Variants in OTOF observed in about 807,000 individuals in gnomAD.
OTOF encodes fer-1-like family member 2.
A neutral mutation model predicts 236.8 loss-of-function variants in OTOF; 218 were observed. That is an observed-to-expected ratio of 0.92 (90% confidence interval 0.82 to 1.03). The LOEUF (loss-of-function observed/expected upper bound fraction) is 1.03, where lower values mean the gene tolerates loss of function less well. Ranked by LOEUF, OTOF falls within the 50% of genes least tolerant of loss-of-function variation. OTOF has a pLI of 0.00. For missense variants in OTOF, 2,590 were observed against 2,694.4 expected, an observed-to-expected ratio of 0.96 and a Z score of 0.86; for synonymous variants, 1,041 against 1,072.5, an observed-to-expected ratio of 0.97 and a Z score of 0.57.
In OTOF at chr2:26,546,577, G is replaced by C. The variant is rs192796102; in HGVS notation, c.80-8803C>G. ...TTTCAAGGCTGCTTTAGCTATTCTAGATCATTTGCATGTCCACATAAATTT... is the reference window on the plus strand; with the variant it reads ...TTTCAAGGCTGCTTTAGCTATTCTACATCATTTGCATGTCCACATAAATTT... On this transcript the variant is annotated intron_variant, in intron 1 of 46. Transcript: ENST00000272371. Among the ~76,000 whole-genome samples, 293 of 151,942 alleles carry C rather than the reference G, an allele frequency of 1.9e-3. 2 individuals are homozygous for C. Among genetic ancestry groups the C allele is most frequent in the Admixed American group, 6.3e-3 (96 of 15,262 alleles).
At chr2:26,475,825 T>TCACAGGCCCCACAGGCTCCAGTCCC in intron 24 of OTOF, 89 bp downstream of exon 24, 1 of 1,504,982 alleles carries the variant, frequency 6.6e-7, no homozygotes, top group Non-Finnish European at 9.0e-7. Context: ...CCCCACAGGC[T>TCACAGGCCCCACAGGCTCCAGTCCC]CACAGGCCCC....
intron 2 of OTOF, among the ~76,000 whole-genome samples, chr2:26,532,535 G>C (rs1026807626): frequency 1.3e-5 from 2 of 152,218 alleles, no homozygotes; most frequent in Admixed American, 1.3e-4. Context: ...AGGGATGCAG[G>C]GTTGTTTCTC....
rs1000628407 is a variant in OTOF at position 26,473,133 on chromosome 2, C to G, written c.3732G>C (p.Thr1244=). The change falls in exon 29 of 47, where the codon ACG becomes ACC. Residue 1244 remains threonine, a splice_region_variant and synonymous_variant. Coordinates refer to ENST00000272371, the MANE Select transcript of OTOF (RefSeq NM_194248.3). This position sits in a 1 kb window ranked among gnomAD's most constrained non-coding sequence, Gnocchi z 7.2. The part of the protein sequence containing the change: ...PDRSAPSWNT[T]VRLLRRCRVL... ...GTGGCAGGGTGGATGTGGCCATACC[C>G]GTGGTGTTCCAGCTGGGGGCCGAGC... 1 of 1,611,718 alleles carries G rather than the reference C, an allele frequency of 6.2e-7. No individual in the cohort carries two copies. Among genetic ancestry groups the G allele is most frequent in the Non-Finnish European group, 8.5e-7 (1 of 1,179,654 alleles).
intron 1 of OTOF, among the ~76,000 whole-genome samples, chr2:26,553,159 C>T (rs1271332335): frequency 1.3e-5 from 2 of 152,202 alleles, no homozygotes; most frequent in African/African-American, 4.8e-5. Context: ...AGCTGCAACC[C>T]TTCCCTGCAC....
In OTOF at chr2:26,464,074, G is replaced by A. The variant is rs1255865173; in HGVS notation, c.4993C>T (p.Leu1665=). Residue 1665 remains leucine (L), a synonymous_variant, in exon 40 of 47, where the codon CTG becomes TTG. Transcript: ENST00000272371. ...TCCTCCCAGTGCCTCAGGGCCAACA[G>A]CGCCACATGCTCGTCTGTGGGCTTC... ...QRKPTDEHVA[L]LALRHWEDIP... is the part of the protein sequence containing the mutation. 6.2e-6 allele frequency: 10 copies of A among 1,613,512 alleles called. No homozygotes were observed. In the African/African-American group the frequency reaches 1.2e-4, roughly 19 times the overall value.
At chr2:26,530,291 C>A (rs899262324) in intron 2 of OTOF, among the ~76,000 whole-genome samples, 3 of 151,784 alleles carry the variant, frequency 2.0e-5, no homozygotes, top group East Asian at 1.9e-4. Flanking sequence ...TGCCTGGCTG[C>A]GGGGCGAGGG....
intron 32 of OTOF, among the ~76,000 whole-genome samples, chr2:26,468,865 ACACAGGGAGGGGAACAT>A (rs546027858): frequency 0.016 from 2,382 of 152,258 alleles, 35 homozygotes; most frequent in Non-Finnish European, 0.023. Context: ...GAACACTTGG[ACACAGGGAGGGGAACAT>A]CACACACCGG....
chr2:26,542,221 C>A (rs866386716), intron 1 of OTOF, among the ~76,000 whole-genome samples: 1 of 152,212 alleles, frequency 6.6e-6, no homozygotes, highest in Non-Finnish European at 1.5e-5. Context: ...GCTAGGGCCA[C>A]ACCTCTGAGA....
intron 3 of OTOF, among the ~76,000 whole-genome samples, chr2:26,523,814 A>T (rs979630410): frequency 1.3e-5 from 2 of 152,218 alleles, no homozygotes; most frequent in Non-Finnish European, 2.9e-5. Context: ...CTGCCCCATG[A>T]GAAGGAGCCT....
chr2:26,510,157 GC>G (rs1666347112), intron 5 of OTOF, among the ~76,000 whole-genome samples: 1 of 152,096 alleles, frequency 6.6e-6, no homozygotes, highest in South Asian at 2.1e-4. Flanking sequence ...TTTCCAGGAA[GC>G]CTTTTGGGGA....
Position 26,477,099 on chromosome 2 carries a change from G to T in OTOF, c.2524-56C>A. On this transcript the variant is annotated intron_variant, in intron 21 of 46. Coordinates refer to ENST00000272371, the MANE Select transcript of OTOF (RefSeq NM_194248.3). This position sits in a 1 kb window ranked among gnomAD's most constrained non-coding sequence, Gnocchi z 4.7. ...GGTAAGGGGGTCTAGCCTCCTGATT[G>T]AGCCCCCTGATCCTGAGGGGCCCCA... 6.4e-7 allele frequency: 1 copy of T among 1,551,670 alleles called. No homozygotes were observed.
chr2:26,555,489 A>G (rs1667562997), intron 1 of OTOF, among the ~76,000 whole-genome samples: 1 of 152,244 alleles, frequency 6.6e-6, no homozygotes, highest in Non-Finnish European at 1.5e-5. Context: ...CAGGGGCAGT[A>G]AGAACTAAGA....
At chr2:26,510,454 C>T (rs1324214636) in intron 5 of OTOF, among the ~76,000 whole-genome samples, 1 of 152,066 alleles carries the variant, frequency 6.6e-6, no homozygotes, top group Admixed American at 6.6e-5. Context: ...AGGATGGTCA[C>T]CCCCGAGAGC....
Position 26,471,105 on chromosome 2 carries a change from T to C in OTOF, c.3894+16A>G, listed in dbSNP as rs200561465. The C allele has an allele frequency of 3.1e-4, 501 of 1,613,972 alleles. 2 individuals carry two copies. Among genetic ancestry groups the C allele is most frequent in the Non-Finnish European group, 4.0e-4 (474 of 1,179,916 alleles). On this transcript the variant is annotated intron_variant, in intron 31 of 46. Coordinates refer to ENST00000272371, the MANE Select transcript of OTOF (RefSeq NM_194248.3). ...ACCCTCTCACCCCAGAGCCCCTGCA[T>C]GGCCCCCACACTCACCACATCCACC...
chr2:26,504,308 C>T (rs1013343538), intron 5 of OTOF, among the ~76,000 whole-genome samples: 1 of 151,964 alleles, frequency 6.6e-6, no homozygotes, highest in Non-Finnish European at 1.5e-5. Flanking sequence ...AACGGCGGGG[C>T]AGGGACCAGA....
chr2:26,528,906 C>T (rs1666874041), intron 2 of OTOF, among the ~76,000 whole-genome samples: 1 of 152,184 alleles, frequency 6.6e-6, no homozygotes, highest in Non-Finnish European at 1.5e-5. Context: ...CATGCAAATC[C>T]CCAGTGGCAT....
At chr2:26,489,816 C>G in intron 9 of OTOF, 76 bp from the exon 10 acceptor site, 1 of 1,086,866 alleles carries the variant, frequency 9.2e-7, no homozygotes, top group South Asian at 1.3e-5. Flanking sequence ...GCCCCTCCCT[C>G]CTCGCAGGGC....
intron 46 of OTOF, among the ~76,000 whole-genome samples, chr2:26,459,476 C>G (rs1005523937): frequency 6.7e-6 from 1 of 148,978 alleles, no homozygotes; most frequent in Non-Finnish European, 1.5e-5. Flanking sequence ...GGCGTGAACC[C>G]GGGAGGCGGA....
chr2:26,540,631 G>T (rs1667190431), intron 1 of OTOF, among the ~76,000 whole-genome samples: 1 of 152,114 alleles, frequency 6.6e-6, no homozygotes, highest in South Asian at 2.1e-4. Context: ...TCAATGCAGA[G>T]CTCCCCTCTG....
Sources: allele counts gnomAD v4.1 joint callset (sites outside exome capture counted in the v4.1 genomes callset), GRCh38; gene constraint gnomAD v4.1.1; non-coding constraint Gnocchi (gnomAD v3.1); transcripts MANE v1.5; gene names NCBI Gene and HGNC (gene_info 2026-07-23, HGNC 2026-07-21).